The following ZNF705A variants were observed in gnomAD, a reference collection of about 807,000 sequenced individuals.
ZNF705A encodes zinc finger protein 705A.
ZNF705A carries 8 observed loss-of-function variants against 16.6 expected under a neutral mutation model. The ratio of observed to expected loss-of-function variants is 0.48; its 90% CI spans 0.28 to 0.87. ZNF705A has a LOEUF of 0.87. Among genes scored for constraint, ZNF705A ranks in the 40% least tolerant of loss-of-function variants. The probability of loss-of-function intolerance (pLI) is 0.10; values close to 1 mark genes in which losing one functional copy is unlikely to be tolerated. For missense variants in ZNF705A, 233 were observed against 359.9 expected (o/e 0.65, Z 2.85); for synonymous variants, 73 against 117.3 (o/e 0.62, Z 2.44).
chr12:8,169,586 G>C (rs1395143676), upstream of ZNF705A, among the ~76,000 whole-genome samples: 3 of 152,202 alleles, frequency 2.0e-5, no homozygotes, highest in African/African-American at 7.2e-5. Context: ...GTATAGCACT[G>C]GTGTTGAGAA....
At chr12:8,166,114 C>T (rs1948397176) in intron 1 of ZNF705A, among the ~76,000 whole-genome samples, 1 of 152,176 alleles carries the variant, frequency 6.6e-6, no homozygotes, top group Non-Finnish European at 1.5e-5. Context: ...AGTGGATCTA[C>T]CATTCTCGGG....
At chr12:8,167,693 C>T (rs1948411040), upstream of ZNF705A, among the ~76,000 whole-genome samples, 1 of 152,134 alleles carries the variant, frequency 6.6e-6, no homozygotes, top group African/African-American at 2.4e-5. Flanking sequence ...GATACTGTTA[C>T]CAGTAGAAGA....
intron 1 of ZNF705A, among the ~76,000 whole-genome samples, chr12:8,167,344 G>A (rs1316286695): frequency 6.6e-6 from 1 of 152,202 alleles, no homozygotes; most frequent in Non-Finnish European, 1.5e-5. Context: ...AGGGTTTTTA[G>A]TAGTAGTCTC....
exon 1 of ZNF705A, chr12:8,157,046 G>T (rs1180645594): frequency 7.5e-6 from 3 of 398,038 alleles, no homozygotes; most frequent in Admixed American, 4.4e-5. Context: ...ATGGAAAATT[G>T]CAAGGGGTTT....
At chr12:8,176,008 A>G in intron 4 of ZNF705A, 66 bp downstream of exon 5, 4 of 1,598,810 alleles carry the variant, frequency 2.5e-6, no homozygotes, top group Admixed American at 1.8e-5. Context: ...TAAGTTAGTA[A>G]TGAAGCACAA....
At chr12:8,176,905 C>A (rs1948488001) in intron 4 of ZNF705A, 94 bp from the exon 6 acceptor site, 14 of 1,544,928 alleles carry the variant, frequency 9.1e-6, no homozygotes, top group South Asian at 1.2e-5. Context: ...TGGGGTCTAC[C>A]ACTGAATGTT....
At chr12:8,178,788 T>C (rs1184226379) in exon 5 of ZNF705A, 2 of 152,246 alleles carry the variant, frequency 1.3e-5, no homozygotes, top group East Asian at 3.8e-4. Context: ...GCGAAGCCCT[T>C]GTTTCATTTA....
chr12:8,171,510 A>C (rs1241098677), upstream of ZNF705A, among the ~76,000 whole-genome samples: 2 of 152,202 alleles, frequency 1.3e-5, no homozygotes, highest in Non-Finnish European at 2.9e-5. Context: ...TTTAGATACC[A>C]CGTTAGTAAA....
intron 2 of ZNF705A, among the ~76,000 whole-genome samples, chr12:8,174,873 ATT>A (rs71042341): frequency 2.6e-5 from 4 of 151,752 alleles, no homozygotes; most frequent in South Asian, 2.1e-4. Flanking sequence ...TGTAAATCGA[ATT>A]TTTTTTTGTT....
exon 5 of ZNF705A, chr12:8,177,344 C>G (rs1948493998): frequency 6.2e-7 from 1 of 1,611,906 alleles, no homozygotes; most frequent in African/African-American, 1.3e-5. Flanking sequence ...TGAGAAAACT[C>G]ACACGGGAGA....
intron 1 of ZNF705A, among the ~76,000 whole-genome samples, chr12:8,173,341 T>A (rs572582741): frequency 6.6e-6 from 1 of 152,224 alleles, no homozygotes; most frequent in Non-Finnish European, 1.5e-5. Flanking sequence ...ATTATTTAAT[T>A]ACGGTTGCAC....
chr12:8,157,799 G>C (rs1216876395), intron 1 of ZNF705A, among the ~76,000 whole-genome samples: 3 of 152,102 alleles, frequency 2.0e-5, no homozygotes, highest in Non-Finnish European at 4.4e-5. Context: ...TAAAAGGAAG[G>C]GGCTGAGACA....
intron 4 of ZNF705A, 103 bp from the exon 6 acceptor site, chr12:8,176,896 G>A (rs752652813): frequency 1.1e-5 from 17 of 1,500,636 alleles, no homozygotes; most frequent in Non-Finnish European, 1.5e-5. Context: ...GCTTTCAACT[G>A]GGGTCTACCA....
At chr12:8,164,957 G>C (rs1287542480) in intron 1 of ZNF705A, among the ~76,000 whole-genome samples, 1 of 152,108 alleles carries the variant, frequency 6.6e-6, no homozygotes, top group Non-Finnish European at 1.5e-5. Context: ...CACCAACAGT[G>C]TAAAAGTGTT....
chr12:8,178,238 G>A (rs1948502363), exon 5 of ZNF705A: 1 of 153,610 alleles, frequency 6.5e-6, no homozygotes, highest in African/African-American at 2.4e-5. Flanking sequence ...AGAGAGGAAA[G>A]CCTTCATAAG....
exon 5 of ZNF705A, chr12:8,177,063 G>A (rs1772145922): frequency 6.2e-7 from 1 of 1,610,686 alleles, no homozygotes; most frequent in Non-Finnish European, 8.5e-7. Context: ...TGCACTCACA[G>A]TTCCACAATA....
At chr12:8,169,080 C>T (rs1948423009), upstream of ZNF705A, among the ~76,000 whole-genome samples, 1 of 151,942 alleles carries the variant, frequency 6.6e-6, no homozygotes, top group African/African-American at 2.4e-5. Context: ...TAGATTCTGT[C>T]TTCTATTGCT....
At chr12:8,178,189 A>C (rs1948501877) in exon 5 of ZNF705A, 2 of 154,994 alleles carry the variant, frequency 1.3e-5, no homozygotes, top group African/African-American at 4.8e-5. Flanking sequence ...GATGTTCACA[A>C]GAAAACAGAG....
chr12:8,168,155 C>T (rs1189894283), upstream of ZNF705A, among the ~76,000 whole-genome samples: 1 of 152,142 alleles, frequency 6.6e-6, no homozygotes, highest in Non-Finnish European at 1.5e-5. Flanking sequence ...TTAACATGCA[C>T]GCCCAAGAAG....
Sources: gnomAD v4.1 joint callset for allele counts (sites outside exome capture counted in the v4.1 genomes callset) on GRCh38, gnomAD v4.1.1 for gene constraint, MANE v1.5 for transcripts, NCBI Gene and HGNC (gene_info 2026-07-23, HGNC 2026-07-21) for gene names.